Variants in C5orf52 observed in about 807,000 individuals in gnomAD.
The protein encoded by C5orf52 is chromosome 5 open reading frame 52.
A neutral mutation model predicts 16.8 loss-of-function variants in C5orf52; 15 were observed. The observed-to-expected ratio is 0.89, with a 90% CI of 0.60 to 1.38. The LOEUF (loss-of-function observed/expected upper bound fraction) is 1.38, where lower values mean the gene tolerates loss of function less well. Ranked by LOEUF, C5orf52 falls within the 40% of genes most tolerant of loss-of-function variation. The pLI, the probability that C5orf52 is intolerant of heterozygous loss-of-function variation, is 0.00. For synonymous variants in C5orf52, 83 were observed against 87.2 expected (o/e 0.95, Z 0.27); for missense variants, 206 against 213.1 (o/e 0.97, Z 0.21).
intron 1 of C5orf52, 146 bp downstream of exon 1, chr5:157,671,972 C>G (rs887655417): frequency 8.8e-6 from 5 of 566,788 alleles, no homozygotes; most frequent in Non-Finnish European, 1.5e-5. Context: ...CGGGCACCAG[C>G]ACCTTCCCAG....
intron 1 of C5orf52, among the ~76,000 whole-genome samples, chr5:157,674,558 A>C (rs558222993): frequency 6.6e-6 from 1 of 152,172 alleles, no homozygotes; most frequent in Non-Finnish European, 1.5e-5. Context: ...TCTTGAGGTC[A>C]GGAGTTTGAA....
At chr5:157,672,748 AAATG>A (rs1378149033) in intron 1 of C5orf52, among the ~76,000 whole-genome samples, 1 of 152,132 alleles carries the variant, frequency 6.6e-6, no homozygotes, top group Non-Finnish European at 1.5e-5. Context: ...AATTGGCTGA[AAATG>A]AATTGCAATT....
chr5:157,677,842 G>T (rs1165819338), intron 2 of C5orf52, among the ~76,000 whole-genome samples: 1 of 151,922 alleles, frequency 6.6e-6, no homozygotes, highest in African/African-American at 2.4e-5. Context: ...AAATTAACCT[G>T]GTGTGGTGGC....
rs1436446177 is a variant in C5orf52 at position 157,671,724 on chromosome 5, A to G, written c.110A>G (p.Tyr37Cys). The change falls in exon 1 of 3, where the codon TAC becomes TGC. Residue 37 changes from tyrosine (Y) to cysteine (C), a missense_variant. Tyr to Cys is a radical substitution (Grantham distance 194). Transcript: ENST00000409999. ...TCCAGCGCCACCTCGGGTTCGAACT[A>G]CCAGCGCGATAGACTCGGCCGCCGC... ...TSSSATSGSNYQRDRLGRRPE... is the reference protein window; with the variant it reads ...TSSSATSGSNCQRDRLGRRPE... 6.4e-7 allele frequency: 1 copy of G among 1,551,226 alleles called. No individual in the cohort carries two copies. The highest frequency in any genetic ancestry group is 1.2e-5 in the South Asian group (1 of 84,046).
intron 2 of C5orf52, among the ~76,000 whole-genome samples, chr5:157,678,724 G>A (rs1759953838): frequency 6.6e-6 from 1 of 152,154 alleles, no homozygotes; most frequent in South Asian, 2.1e-4. Context: ...GCCCCCCAAA[G>A]TGCTGGGATT....
upstream of C5orf52, among the ~76,000 whole-genome samples, chr5:157,670,965 G>C (rs1759767972): frequency 6.6e-6 from 1 of 152,178 alleles, no homozygotes; most frequent in Non-Finnish European, 1.5e-5. Context: ...ACCACTTATA[G>C]GGGTGGGCCA....
intron 1 of C5orf52, among the ~76,000 whole-genome samples, chr5:157,674,358 G>A (rs1054403968): frequency 6.6e-6 from 1 of 151,866 alleles, no homozygotes; most frequent in Non-Finnish European, 1.5e-5. Context: ...TAGAGCAAGT[G>A]CCCCCCAAGC....
intron 1 of C5orf52, among the ~76,000 whole-genome samples, chr5:157,673,365 A>G (rs1759833402): frequency 9.4e-6 from 1 of 105,890 alleles, no homozygotes; most frequent in Non-Finnish European, 1.7e-5. Flanking sequence ...TAAAATAAGA[A>G]AAATAAGACT....
rs1759977595 is a variant in C5orf52, at chr5:157,680,031, T to TGGCAA, written c.*32_*33insGGCAA. 2 of 1,543,950 alleles carry TGGCAA rather than the reference T, an allele frequency of 1.3e-6. No individual in the cohort carries two copies. Among genetic ancestry groups the TGGCAA allele is most frequent in the East Asian group, 4.9e-5 (2 of 40,876 alleles). On this transcript the variant is annotated 3_prime_UTR_variant, in exon 3 of 3. Coordinates refer to ENST00000409999, the MANE Select transcript of C5orf52 (RefSeq NM_001145132.2). ...GTCTCCCAAGAAAGGCCAACCACCC[T>TGGCAA]AGTTCTGGCAAAGGGATCTGCCCCA...
rs1759790704 is a variant in C5orf52, at chr5:157,671,578, A to G, written c.-37A>G. 1.3e-6 allele frequency: 2 copies of G among 1,515,146 alleles called. No individual in the cohort carries two copies. Among genetic ancestry groups the G allele is most frequent in the Non-Finnish European group, 1.8e-6 (2 of 1,124,374 alleles). The allele number at this position is 1,515,146 out of a possible 1,614,324, so 93.9% of individuals were successfully genotyped here. A position where few individuals can be genotyped will look rare whatever the true frequency, so the allele number is the denominator to read the frequency against. ...CACCTAGGTGGGCTGGCAACCAGCC[A>G]CCAGTTTCCAACTCTTTCTCCAACA... On this transcript the variant is annotated 5_prime_UTR_variant, in exon 1 of 3. Coordinates refer to ENST00000409999, the MANE Select transcript of C5orf52 (RefSeq NM_001145132.2).
chr5:157,677,271 G>T (rs1759912958), intron 2 of C5orf52, among the ~76,000 whole-genome samples: 1 of 152,148 alleles, frequency 6.6e-6, no homozygotes, highest in African/African-American at 2.4e-5. Context: ...AGCTCAAAAT[G>T]TCAGTAGTGT....
At chr5:157,672,187 G>A (rs1759808008) in intron 1 of C5orf52, among the ~76,000 whole-genome samples, 1 of 152,080 alleles carries the variant, frequency 6.6e-6, no homozygotes, top group Non-Finnish European at 1.5e-5. Flanking sequence ...CTTAGAACCT[G>A]GCGAGGCCCA....
Position 157,680,071 on chromosome 5 carries a change from C to G in C5orf52, c.*72C>G. ...GATCTGCCCCAGGGTCACGATGACA[C>G]CAGTGTGACCCGAGGAGAACTAGTA... On this transcript the variant is annotated 3_prime_UTR_variant, in exon 3 of 3. Coordinates refer to ENST00000409999, the MANE Select transcript of C5orf52 (RefSeq NM_001145132.2). The G allele has an allele frequency of 1.5e-6, 2 of 1,374,704 alleles. No individual in the cohort carries two copies. Among genetic ancestry groups the G allele is most frequent in the Non-Finnish European group, 2.0e-6 (2 of 1,016,068 alleles). The allele number at this position is 1,374,704 out of a possible 1,614,324, so 85.2% of individuals were successfully genotyped here. A position where few individuals can be genotyped will look rare whatever the true frequency, so the allele number is the denominator to read the frequency against.
upstream of C5orf52, chr5:157,671,256 C>T (rs1313510110): frequency 3.1e-5 from 8 of 259,544 alleles, no homozygotes; most frequent in Admixed American, 3.3e-4. Context: ...TGGCTCAACC[C>T]GTTACCCGCC....
At chr5:157,677,625 G>T (rs1317255960) in intron 2 of C5orf52, among the ~76,000 whole-genome samples, 1 of 145,160 alleles carries the variant, frequency 6.9e-6, no homozygotes, top group Non-Finnish European at 1.5e-5. Context: ...TTGCACTCCA[G>T]TCTGGGCAAC....
chr5:157,671,693 A>G lies in C5orf52; in HGVS notation c.79A>G (p.Thr27Ala), dbSNP rs766457680. The G allele has an allele frequency of 7.5e-5, 117 of 1,551,170 alleles. No homozygotes were observed. In the Admixed American group the frequency reaches 1.8e-3, roughly 24 times the overall value. ...TIGGTAAQAT[T>A]SSSATSGSNY... is the part of the protein sequence containing the mutation. ...CGGCGGGACCGCCGCCCAGGCGACC[A>G]CCAGTTCCAGCGCCACCTCGGGTTC... The change falls in exon 1 of 3, where the codon ACC becomes GCC. Residue 27 changes from threonine to alanine, a missense_variant. Transcript: ENST00000409999.
chr5:157,671,897 C>CG (rs2113863911), intron 1 of C5orf52, 71 bp downstream of exon 1: 1 of 1,065,690 alleles, frequency 9.4e-7, no homozygotes, highest in African/African-American at 1.6e-5. Context: ...CTTTGGGACT[C>CG]GCGCTCCCCT....
rs1759793968 is a variant in C5orf52 at position 157,671,689 on chromosome 5, GACC to G, written c.80_82del (p.Thr27del). On this transcript the variant is annotated inframe_deletion, in exon 1 of 3. Coordinates refer to ENST00000409999, the MANE Select transcript of C5orf52 (RefSeq NM_001145132.2). The stretch of plus-strand genomic sequence containing the variant: ...CGATCGGCGGGACCGCCGCCCAGGC[GACC>G]ACCAGTTCCAGCGCCACCTCGGGTT... 2 of 1,551,180 alleles carry G rather than the reference GACC, an allele frequency of 1.3e-6. No individual in the cohort carries two copies. Among genetic ancestry groups the G allele is most frequent in the Non-Finnish European group, 1.7e-6 (2 of 1,146,892 alleles).
At chr5:157,673,209 G>A (rs747843989) in intron 1 of C5orf52, among the ~76,000 whole-genome samples, 9 of 151,774 alleles carry the variant, frequency 5.9e-5, no homozygotes, top group Non-Finnish European at 1.0e-4. Flanking sequence ...CATGGTGGCT[G>A]GCCTGTGGTC....
Sources: gnomAD v4.1 joint callset for allele counts (sites outside exome capture counted in the v4.1 genomes callset) on GRCh38, gnomAD v4.1.1 for gene constraint, MANE v1.5 for transcripts, NCBI Gene and HGNC (gene_info 2026-07-23, HGNC 2026-07-21) for gene names.